Variants in TSPAN5 observed in about 807,000 individuals in gnomAD.
TSPAN5 encodes the protein tetraspanin-5.
A neutral mutation model predicts 37.1 loss-of-function variants in TSPAN5; 10 were observed. That is an observed-to-expected ratio of 0.27 (90% CI 0.17 to 0.46). The LOEUF is 0.46. Ranked by LOEUF, TSPAN5 falls within the 20% of genes least tolerant of loss-of-function variation. The pLI is 1.00. For missense variants in TSPAN5, 195 were observed against 326.6 expected (o/e 0.60, Z 3.11); for synonymous variants, 110 against 118.9 (o/e 0.93, Z 0.48).
intron 1 of TSPAN5, among the ~76,000 whole-genome samples, chr4:98,566,959 C>T (rs1755018852): frequency 6.6e-6 from 1 of 152,222 alleles, no homozygotes. Flanking sequence ...GTGCTGCAGC[C>T]TACACGGCCA....
rs184822008 is a variant in TSPAN5, at chr4:98,620,885, A to G, written c.81+37261T>C. 2.1e-3 allele frequency among the ~76,000 whole-genome samples: 317 copies of G among 152,312 alleles called. 1 individual carries two copies. The highest frequency in any genetic ancestry group is 7.2e-3 in the African/African-American group (300 of 41,558). ...TTGTCTATATACATTTTTTTAATTG[A>G]AAATTCACGTAACATAAAAGTCACT... On this transcript the variant is annotated intron_variant, in intron 1 of 7. Transcript: ENST00000305798.
chr4:98,486,497 T>G, intron 3 of TSPAN5: 2 of 479,074 alleles, frequency 4.2e-6, no homozygotes, highest in Non-Finnish European at 7.4e-6. Flanking sequence ...AAGTCTGTGA[T>G]ATATATGCAC....
chr4:98,518,286 T>C (rs1389111556), intron 1 of TSPAN5, among the ~76,000 whole-genome samples: 1 of 152,216 alleles, frequency 6.6e-6, no homozygotes, highest in Non-Finnish European at 1.5e-5. Context: ...AGTAGGATTA[T>C]ATCATTCAAC....
intron 1 of TSPAN5, among the ~76,000 whole-genome samples, chr4:98,617,805 G>A (rs1414464979): frequency 6.6e-6 from 1 of 152,168 alleles, no homozygotes; most frequent in East Asian, 1.9e-4. Context: ...AGCAGCAGCT[G>A]CCCCAAAGAC....
chr4:98,522,124 G>A (rs1245347791), intron 1 of TSPAN5, among the ~76,000 whole-genome samples: 1 of 152,234 alleles, frequency 6.6e-6, no homozygotes, highest in East Asian at 1.9e-4. Context: ...TGTACAGAAT[G>A]AGCTGAATGG....
chr4:98,561,626 T>C (rs1374685882), intron 1 of TSPAN5, among the ~76,000 whole-genome samples: 1 of 152,204 alleles, frequency 6.6e-6, no homozygotes, highest in Admixed American at 6.5e-5. Flanking sequence ...GTGGATATTC[T>C]TGGCAGTGGA....
At chr4:98,497,356 C>G (rs11723468) in intron 2 of TSPAN5, among the ~76,000 whole-genome samples, 15,435 of 151,602 alleles carry the variant, frequency 0.1, 888 homozygotes, top group Admixed American at 0.15. Context: ...AGACCAGGGC[C>G]CTCCCTCTCT....
chr4:98,612,110 G>A (rs569770906), intron 1 of TSPAN5, among the ~76,000 whole-genome samples: 4 of 152,232 alleles, frequency 2.6e-5, no homozygotes, highest in East Asian at 3.9e-4. Flanking sequence ...GAATTCCCTC[G>A]CTGGAAACTG....
intron 2 of TSPAN5, among the ~76,000 whole-genome samples, chr4:98,492,742 T>A (rs141456337): frequency 6.6e-6 from 1 of 152,356 alleles, no homozygotes; most frequent in African/African-American, 2.4e-5. Flanking sequence ...TAACTCACTA[T>A]GAATTCAGCA....
intron 1 of TSPAN5, among the ~76,000 whole-genome samples, chr4:98,632,572 G>GA (rs992167950): frequency 1.3e-5 from 2 of 152,158 alleles, no homozygotes; most frequent in African/African-American, 4.8e-5. Flanking sequence ...GGAGCACTTC[G>GA]AAAACCCTGC....
chr4:98,528,349 A>G (rs568226319), intron 1 of TSPAN5, among the ~76,000 whole-genome samples: 1 of 152,208 alleles, frequency 6.6e-6, no homozygotes, highest in Non-Finnish European at 1.5e-5. Context: ...TTATATATCA[A>G]CTAAAAAGAA....
At chr4:98,638,023 C>T (rs953927095) in intron 1 of TSPAN5, among the ~76,000 whole-genome samples, 1 of 152,190 alleles carries the variant, frequency 6.6e-6, no homozygotes, top group African/African-American at 2.4e-5. Context: ...TAACTCTGCT[C>T]CACGGTCTTG....
chr4:98,616,202 C>T (rs543483941), intron 1 of TSPAN5, among the ~76,000 whole-genome samples: 1 of 152,140 alleles, frequency 6.6e-6, no homozygotes, highest in Non-Finnish European at 1.5e-5. Flanking sequence ...CTCCTCAGAA[C>T]CATACCTCTG....
intron 1 of TSPAN5, among the ~76,000 whole-genome samples, chr4:98,538,936 C>G (rs2110138753): frequency 6.6e-6 from 1 of 152,198 alleles, no homozygotes; most frequent in African/African-American, 2.4e-5. Flanking sequence ...AAAAAAAGCT[C>G]TGCCGTGTCT....
At chr4:98,570,630 G>A (rs888824626) in intron 1 of TSPAN5, among the ~76,000 whole-genome samples, 2 of 152,108 alleles carry the variant, frequency 1.3e-5, no homozygotes, top group East Asian at 1.9e-4. Context: ...AGACACAAAC[G>A]CAGTGTCTGA....
rs148624543 is a variant in TSPAN5, at chr4:98,558,818, G to T, written c.82-51090C>A. On this transcript the variant is annotated intron_variant, in intron 1 of 7. Coordinates refer to ENST00000305798, the MANE Select transcript of TSPAN5 (RefSeq NM_005723.4). Reference sequence around the variant, plus strand: ...GTGGATAGGCCAGAGTCTAACTGAGGGACAGCAAGATTTTCAGATGGTCTT... The same window carrying T: ...GTGGATAGGCCAGAGTCTAACTGAGTGACAGCAAGATTTTCAGATGGTCTT... Among the ~76,000 whole-genome samples the T allele has an allele frequency of 4.3e-3, 654 of 152,172 alleles. 4 individuals carry two copies. Among genetic ancestry groups the T allele is most frequent in the Middle Eastern group, 0.014 (4 of 294 alleles).
chr4:98,557,602 A>C (rs1432974276), intron 1 of TSPAN5, among the ~76,000 whole-genome samples: 1 of 152,226 alleles, frequency 6.6e-6, no homozygotes, highest in Non-Finnish European at 1.5e-5. Context: ...TTCTGCCCAC[A>C]ACTGGGAAGG....
At chr4:98,511,626 A>T (rs931403281) in intron 1 of TSPAN5, among the ~76,000 whole-genome samples, 1 of 152,218 alleles carries the variant, frequency 6.6e-6, no homozygotes, top group African/African-American at 2.4e-5. Flanking sequence ...TGCACTGGTA[A>T]GTGTAAAGTG....
At chr4:98,634,858 C>G (rs186501472) in intron 1 of TSPAN5, among the ~76,000 whole-genome samples, 1 of 152,250 alleles carries the variant, frequency 6.6e-6, no homozygotes, top group Admixed American at 6.5e-5. Context: ...GGAGAAGAGA[C>G]AAAAGATGTC....
Sources: allele counts gnomAD v4.1 joint callset (sites outside exome capture counted in the v4.1 genomes callset), GRCh38; gene constraint gnomAD v4.1.1; transcripts MANE v1.5; gene names NCBI Gene and HGNC (gene_info 2026-07-23, HGNC 2026-07-21).